SPOCK3: variants seen among roughly 807,000 people sequenced by gnomAD.
SPOCK3 encodes the protein SPARC (osteonectin), cwcv and kazal like domains proteoglycan 3.
A neutral mutation model predicts 56.6 loss-of-function variants in SPOCK3; 30 were observed. The observed-to-expected ratio is 0.53, with a 90% CI of 0.40 to 0.72. The LOEUF is 0.72. SPOCK3 is among the 30% of genes least tolerant of loss of function. The probability of loss-of-function intolerance (pLI) is 0.00; values close to 1 mark genes in which losing one functional copy is unlikely to be tolerated. For synonymous variants in SPOCK3, 196 were observed against 183.3 expected, an observed-to-expected ratio of 1.07 and a Z score of -0.56; for missense variants, 527 against 530.0, an observed-to-expected ratio of 0.99 and a Z score of 0.06.
At chr4:167,156,760 T>C (rs189455332) in intron 2 of SPOCK3, among the ~76,000 whole-genome samples, 19 of 152,192 alleles carry the variant, frequency 1.2e-4, no homozygotes, top group South Asian at 6.2e-4. Context: ...ATGGTAAGCA[T>C]TGACAGCATC....
At chr4:166,921,992 C>T (rs1346017095) in intron 4 of SPOCK3, among the ~76,000 whole-genome samples, 1 of 152,144 alleles carries the variant, frequency 6.6e-6, no homozygotes, top group Non-Finnish European at 1.5e-5. Context: ...AACCGGGCTG[C>T]ACAGTAGGAG....
chr4:167,103,039 A>T (rs1427352029), intron 2 of SPOCK3, among the ~76,000 whole-genome samples: 2 of 151,276 alleles, frequency 1.3e-5, no homozygotes, highest in South Asian at 4.2e-4. Flanking sequence ...CGTGGTAGGG[A>T]CATGAGGCCC....
chr4:166,822,682 T>C (rs1410494889), intron 6 of SPOCK3, among the ~76,000 whole-genome samples: 1 of 152,090 alleles, frequency 6.6e-6, no homozygotes, highest in Non-Finnish European at 1.5e-5. Flanking sequence ...TAACAATTGG[T>C]TCCTAAAATC....
intron 6 of SPOCK3, among the ~76,000 whole-genome samples, chr4:166,811,098 A>G (rs1324886826): frequency 1.3e-5 from 2 of 151,804 alleles, no homozygotes; most frequent in Admixed American, 1.3e-4. Context: ...CTTCTCTATA[A>G]ACGATTATTC....
At chr4:167,185,017 T>C (rs1731829489) in intron 2 of SPOCK3, among the ~76,000 whole-genome samples, 1 of 152,198 alleles carries the variant, frequency 6.6e-6, no homozygotes, top group African/African-American at 2.4e-5. Context: ...TGGTTACCTT[T>C]TATCTGCCTT....
At chr4:167,158,577 G>A (rs1205792105) in intron 2 of SPOCK3, among the ~76,000 whole-genome samples, 1 of 151,924 alleles carries the variant, frequency 6.6e-6, no homozygotes, top group East Asian at 1.9e-4. Context: ...ACCTTTGAGA[G>A]TTTCTAAGAT....
intron 7 of SPOCK3, among the ~76,000 whole-genome samples, chr4:166,770,968 A>G (rs928496112): frequency 6.6e-6 from 1 of 150,876 alleles, no homozygotes; most frequent in Non-Finnish European, 1.5e-5. Flanking sequence ...ATGTCTATCG[A>G]TCTTGTTTAT....
At chr4:167,092,298 A>G (rs941104288) in intron 2 of SPOCK3, among the ~76,000 whole-genome samples, 2 of 152,194 alleles carry the variant, frequency 1.3e-5, no homozygotes, top group African/African-American at 4.8e-5. Flanking sequence ...GGATTTCCCC[A>G]TTAGTATCAC....
At chr4:166,802,820 T>A in intron 6 of SPOCK3, among the ~76,000 whole-genome samples, 1 of 152,156 alleles carries the variant, frequency 6.6e-6, no homozygotes, top group East Asian at 1.9e-4. Flanking sequence ...TGTGTGTGTG[T>A]ACAACTTACA....
intron 2 of SPOCK3, among the ~76,000 whole-genome samples, chr4:167,206,529 C>A (rs1012254461): frequency 2.6e-5 from 4 of 151,926 alleles, no homozygotes; most frequent in Non-Finnish European, 4.4e-5. Flanking sequence ...TTAAAAAGTT[C>A]ATCAGCAAGA....
chr4:167,152,760 G>A (rs1219555276), intron 2 of SPOCK3, among the ~76,000 whole-genome samples: 2 of 152,100 alleles, frequency 1.3e-5, no homozygotes, highest in Admixed American at 1.3e-4. Context: ...AGCATCACAT[G>A]CTTCCAAAGT....
intron 4 of SPOCK3, among the ~76,000 whole-genome samples, chr4:166,929,674 G>A (rs1429654079): frequency 6.6e-6 from 1 of 152,068 alleles, no homozygotes; most frequent in African/African-American, 2.4e-5. Context: ...GTGCTTTTGG[G>A]AGGTGTTGCT....
chr4:166,786,022 G>A (rs28458956), intron 7 of SPOCK3, among the ~76,000 whole-genome samples: 2,138 of 152,144 alleles, frequency 0.014, 50 homozygotes, highest in African/African-American at 0.042. Flanking sequence ...AAAATAAGCT[G>A]GTAAACATTC....
intron 7 of SPOCK3, among the ~76,000 whole-genome samples, chr4:166,764,554 T>C (rs1233444252): frequency 6.6e-6 from 1 of 152,176 alleles, no homozygotes; most frequent in Non-Finnish European, 1.5e-5. Context: ...TATTCCACGG[T>C]GTATATGTGC....
intron 4 of SPOCK3, among the ~76,000 whole-genome samples, chr4:166,917,969 G>C (rs970093203): frequency 2.6e-5 from 4 of 152,070 alleles, no homozygotes; most frequent in African/African-American, 9.7e-5. Context: ...CTCAACTGAT[G>C]GTGACTTAAT....
At chr4:167,020,168 T>C (rs990566480) in intron 3 of SPOCK3, among the ~76,000 whole-genome samples, 3 of 152,076 alleles carry the variant, frequency 2.0e-5, no homozygotes, top group African/African-American at 7.2e-5. Flanking sequence ...ATGTGTGCAT[T>C]GTCTTACTGG....
chr4:167,163,755 T>G (rs1765521803), intron 2 of SPOCK3, among the ~76,000 whole-genome samples: 1 of 152,118 alleles, frequency 6.6e-6, no homozygotes, highest in African/African-American at 2.4e-5. Context: ...ACATGTGTTC[T>G]TTATACCAGA....
chr4:167,102,669 C>T (rs1759754117), intron 2 of SPOCK3: 1 of 152,134 alleles, frequency 6.6e-6, no homozygotes, highest in Non-Finnish European at 1.5e-5. Flanking sequence ...TAAACTCAGC[C>T]AATGCCCACA....
intron 6 of SPOCK3, among the ~76,000 whole-genome samples, chr4:166,877,375 T>G (rs1431507556): frequency 6.6e-6 from 1 of 152,196 alleles, no homozygotes; most frequent in Non-Finnish European, 1.5e-5. Context: ...AGTTGAGATA[T>G]TTCTTTTATG....
Sources: gnomAD v4.1 joint callset for allele counts (sites outside exome capture counted in the v4.1 genomes callset) on GRCh38, gnomAD v4.1.1 for gene constraint, MANE v1.5 for transcripts, NCBI Gene and HGNC (gene_info 2026-07-23, HGNC 2026-07-21) for gene names.